DAAM1: variants seen among roughly 807,000 people sequenced by gnomAD.
DAAM1 encodes the protein disheveled-associated activator of morphogenesis 1.
In DAAM1, 52 loss-of-function variants were observed where a neutral mutation model predicts 130.0. That is an observed-to-expected ratio of 0.40 (90% CI 0.32 to 0.50). The LOEUF (loss-of-function observed/expected upper bound fraction) is 0.50, where lower values mean the gene tolerates loss of function less well. Ranked by LOEUF, DAAM1 falls within the 20% of genes least tolerant of loss-of-function variation. DAAM1 has a pLI of 0.61. For synonymous variants in DAAM1, 452 were observed against 444.5 expected (o/e 1.02, Z -0.21); for missense variants, 1,134 against 1,303.8 (o/e 0.87, Z 2.01).
intron 2 of DAAM1, among the ~76,000 whole-genome samples, chr14:59,276,829 C>T (rs1436320924): frequency 6.6e-6 from 1 of 152,072 alleles, no homozygotes; most frequent in Admixed American, 6.6e-5. Flanking sequence ...ATACAAATAG[C>T]GAGTTGATTG....
intron 23 of DAAM1, among the ~76,000 whole-genome samples, chr14:59,364,028 G>A (rs1272761170): frequency 6.6e-6 from 1 of 152,180 alleles, no homozygotes; most frequent in African/African-American, 2.4e-5. Flanking sequence ...GTTGCCTTTA[G>A]GTTAGCAAGA....
chr14:59,237,839 T>C (rs1037358443), intron 1 of DAAM1, among the ~76,000 whole-genome samples: 1 of 152,224 alleles, frequency 6.6e-6, no homozygotes, highest in Non-Finnish European at 1.5e-5. Flanking sequence ...TTTGAAGCTC[T>C]TGGCATATTT....
chr14:59,319,478 C>A (rs550685267), intron 4 of DAAM1, among the ~76,000 whole-genome samples: 12 of 152,128 alleles, frequency 7.9e-5, no homozygotes, highest in Non-Finnish European at 1.5e-4. Flanking sequence ...ATGAGTCAAG[C>A]TTTTCTTTTT....
At chr14:59,264,940 C>G (rs918144273) in intron 2 of DAAM1, 1 of 152,180 alleles carries the variant, frequency 6.6e-6, no homozygotes, top group Non-Finnish European at 1.5e-5. Context: ...TCTGTTCATG[C>G]ATTAGTTTGC....
At chr14:59,337,574 T>C (rs1219415807) in intron 15 of DAAM1, among the ~76,000 whole-genome samples, 2 of 152,256 alleles carry the variant, frequency 1.3e-5, no homozygotes, top group Admixed American at 6.5e-5. Flanking sequence ...TGCAAAAATA[T>C]GCAACGTATG....
At chr14:59,228,028 A>G (rs1888994217) in intron 1 of DAAM1, among the ~76,000 whole-genome samples, 1 of 152,228 alleles carries the variant, frequency 6.6e-6, no homozygotes, top group Non-Finnish European at 1.5e-5. Context: ...GGTTACTAGT[A>G]GAAACCCTTT....
At chr14:59,363,576 T>C (rs1886795897) in intron 22 of DAAM1, 75 bp from the exon 23 acceptor site, 2 of 1,582,494 alleles carry the variant, frequency 1.3e-6, no homozygotes, top group African/African-American at 1.4e-5. Context: ...TTAAGGCATG[T>C]GAAATATGAG....
Position 59,306,272 on chromosome 14 carries a change from A to G in DAAM1, c.274-9008A>G, listed in dbSNP as rs569138558. Among the ~76,000 whole-genome samples, 184 of 152,306 alleles carry G rather than the reference A, an allele frequency of 1.2e-3. 7 individuals are homozygous for G. Among genetic ancestry groups the G allele is most frequent in the Non-Finnish European group, 1.0e-3 (68 of 68,024 alleles). On this transcript the variant is annotated intron_variant, in intron 3 of 24. Coordinates refer to ENST00000360909, the MANE Select transcript of DAAM1 (RefSeq NM_001270520.2). ...AAGTCTGTCTCAGGGATCACTCACAAGGAGAGCAGGGAACTTTGTTCTTTT... is the reference window on the plus strand; with the variant it reads ...AAGTCTGTCTCAGGGATCACTCACAGGGAGAGCAGGGAACTTTGTTCTTTT...
At chr14:59,225,735 G>C (rs1888921583) in intron 1 of DAAM1, among the ~76,000 whole-genome samples, 2 of 152,214 alleles carry the variant, frequency 1.3e-5, no homozygotes. Flanking sequence ...TGCTGGTACA[G>C]ATTCTGGGCA....
At chr14:59,203,542 T>C (rs1409477256) in intron 1 of DAAM1, among the ~76,000 whole-genome samples, 1 of 152,226 alleles carries the variant, frequency 6.6e-6, no homozygotes, top group Admixed American at 6.5e-5. Context: ...TCTCATTTTT[T>C]CCTCTAAATA....
At chr14:59,303,659 G>A (rs1884266366) in intron 3 of DAAM1, among the ~76,000 whole-genome samples, 1 of 152,122 alleles carries the variant, frequency 6.6e-6, no homozygotes, top group African/African-American at 2.4e-5. Flanking sequence ...CACTTTGGGG[G>A]GCCAAGGTGG....
At chr14:59,241,208 T>C (rs774398327) in intron 1 of DAAM1, among the ~76,000 whole-genome samples, 13 of 152,256 alleles carry the variant, frequency 8.5e-5, no homozygotes, top group Non-Finnish European at 1.3e-4. Context: ...GTTATTGTTA[T>C]ACAATATGTT....
rs1025481167 is a variant in DAAM1 at position 59,218,095 on chromosome 14, T to C, written c.-38+29327T>C. Among the ~76,000 whole-genome samples, 12 of 152,220 alleles carry C rather than the reference T, an allele frequency of 7.9e-5. 1 individual carries two copies. In the Middle Eastern group the frequency reaches 0.01, roughly 129 times the overall value. ...CTGCAGTGAACTATGATTGGGCCAC[T>C]GTACTTCAGCCTGGGTGACAGAGGA... On this transcript the variant is annotated intron_variant, in intron 1 of 24. Transcript: ENST00000360909.
intron 4 of DAAM1, among the ~76,000 whole-genome samples, chr14:59,319,245 A>G (rs1431163881): frequency 1.3e-5 from 2 of 152,192 alleles, no homozygotes; most frequent in East Asian, 3.8e-4. Flanking sequence ...AAACAATAAC[A>G]AGATTTTAAA....
chr14:59,354,061 G>T, intron 19 of DAAM1, 97 bp downstream of exon 19: 8 of 1,088,408 alleles, frequency 7.4e-6, no homozygotes, highest in South Asian at 3.1e-5. Flanking sequence ...TCCCCTTGGT[G>T]ATTTTTTTTT....
intron 2 of DAAM1, among the ~76,000 whole-genome samples, chr14:59,275,567 C>T (rs1013984316): frequency 1.3e-5 from 2 of 152,020 alleles, no homozygotes; most frequent in African/African-American, 2.4e-5. Context: ...TTTAGATTAC[C>T]GGAAAACTGT....
chr14:59,322,867 C>A, intron 5 of DAAM1, 25 bp from the exon 6 acceptor site: 1 of 1,569,152 alleles, frequency 6.4e-7, no homozygotes, highest in Non-Finnish European at 8.7e-7. Flanking sequence ...GGCACTTAAG[C>A]ATGGTGCATT....
At chr14:59,295,664 A>G (rs912156283) in intron 3 of DAAM1, among the ~76,000 whole-genome samples, 29 of 152,184 alleles carry the variant, frequency 1.9e-4, no homozygotes, top group African/African-American at 6.8e-4. Context: ...TTAAAGAAAC[A>G]CGTGTTAAAG....
At chr14:59,221,780 T>C (rs1183585325) in intron 1 of DAAM1, among the ~76,000 whole-genome samples, 3 of 152,260 alleles carry the variant, frequency 2.0e-5, no homozygotes, top group Non-Finnish European at 4.4e-5. Context: ...AGTGGCCTGA[T>C]GTCCTTAACT....
Sources: allele counts gnomAD v4.1 joint callset (sites outside exome capture counted in the v4.1 genomes callset), GRCh38; gene constraint gnomAD v4.1.1; transcripts MANE v1.5; gene names NCBI Gene and HGNC (gene_info 2026-07-23, HGNC 2026-07-21).